The following SUCLG2 variants were observed in gnomAD, a reference collection of about 807,000 sequenced individuals.
The protein encoded by SUCLG2 is succinate--CoA ligase [GDP-forming] subunit beta, mitochondrial.
A neutral mutation model predicts 47.9 loss-of-function variants in SUCLG2; 42 were observed. That is an observed-to-expected ratio of 0.88 (90% CI 0.69 to 1.14). SUCLG2 has a LOEUF of 1.14. SUCLG2 is among the 50% of genes most tolerant of loss of function. The pLI is 0.00. For missense variants in SUCLG2, 571 were observed against 525.9 expected (o/e 1.09, Z -0.84); for synonymous variants, 195 against 197.3 (o/e 0.99, Z 0.10).
At chr3:67,404,052 G>C (rs1702749419) in intron 9 of SUCLG2, among the ~76,000 whole-genome samples, 1 of 152,072 alleles carries the variant, frequency 6.6e-6, no homozygotes, top group Non-Finnish European at 1.5e-5. Flanking sequence ...CACCTGACTA[G>C]TTTTTGCAGT....
chr3:67,604,782 G>A (rs754178071), intron 2 of SUCLG2, among the ~76,000 whole-genome samples: 18 of 152,118 alleles, frequency 1.2e-4, no homozygotes, highest in Non-Finnish European at 2.1e-4. Context: ...AGAGATCTGC[G>A]AGACAATCCG....
chr3:67,382,765 C>T (rs1352658), intron 10 of SUCLG2, among the ~76,000 whole-genome samples: 95,457 of 152,014 alleles, frequency 0.63, 30,779 homozygotes, highest in African/African-American at 0.74. Context: ...GCACAGACAG[C>T]ATGGCCTCGA....
chr3:67,392,338 T>C (rs528177514), intron 10 of SUCLG2, among the ~76,000 whole-genome samples: 15 of 152,304 alleles, frequency 9.8e-5, no homozygotes, highest in East Asian at 1.9e-4. Flanking sequence ...CAGTAAGACA[T>C]TGAGGGAATC....
At chr3:67,513,671 A>C (rs1705857772) in intron 6 of SUCLG2, among the ~76,000 whole-genome samples, 1 of 152,204 alleles carries the variant, frequency 6.6e-6, no homozygotes, top group African/African-American at 2.4e-5. Context: ...CAAAGAAAAC[A>C]TTCTCCTGGT....
chr3:67,627,860 T>C (rs997735140), intron 1 of SUCLG2, among the ~76,000 whole-genome samples: 21 of 152,166 alleles, frequency 1.4e-4, no homozygotes, highest in African/African-American at 5.1e-4. Context: ...AAACTCTAGA[T>C]CCCAGCTCTG....
intron 6 of SUCLG2, among the ~76,000 whole-genome samples, chr3:67,511,282 T>C (rs1346491226): frequency 2.6e-5 from 4 of 152,166 alleles, no homozygotes; most frequent in Non-Finnish European, 5.9e-5. Context: ...CATTAGCCAT[T>C]TGTATCTTTG....
intron 9 of SUCLG2, among the ~76,000 whole-genome samples, chr3:67,433,153 T>C (rs923994618): frequency 6.6e-6 from 1 of 152,104 alleles, no homozygotes; most frequent in African/African-American, 2.4e-5. Flanking sequence ...TTTCCTCTAG[T>C]AAAAGTTCAA....
At chr3:67,585,320 C>T (rs1187799120) in intron 2 of SUCLG2, among the ~76,000 whole-genome samples, 1 of 152,138 alleles carries the variant, frequency 6.6e-6, no homozygotes, top group East Asian at 1.9e-4. Flanking sequence ...GTTGCTTTGG[C>T]TCCAACTCTC....
chr3:67,456,930 T>C (rs916407582), intron 9 of SUCLG2, among the ~76,000 whole-genome samples: 2 of 152,162 alleles, frequency 1.3e-5, no homozygotes, highest in Non-Finnish European at 2.9e-5. Flanking sequence ...GTTATTTTCC[T>C]TTTCTTCTTT....
intron 9 of SUCLG2, among the ~76,000 whole-genome samples, chr3:67,435,439 G>C (rs889871105): frequency 2.6e-5 from 4 of 152,056 alleles, no homozygotes; most frequent in Non-Finnish European, 5.9e-5. Flanking sequence ...GGCGATAATG[G>C]GTTTTTTATT....
intron 9 of SUCLG2, among the ~76,000 whole-genome samples, chr3:67,446,469 C>T (rs1284170216): frequency 8.6e-6 from 1 of 115,904 alleles, no homozygotes; most frequent in Non-Finnish European, 1.6e-5. Context: ...CTCGCTCTGT[C>T]ACTCAGGCTG....
At chr3:67,562,339 G>A (rs1261590115) in intron 2 of SUCLG2, among the ~76,000 whole-genome samples, 1 of 151,762 alleles carries the variant, frequency 6.6e-6, no homozygotes, top group African/African-American at 2.4e-5. Context: ...GTGCAGCAGT[G>A]CCATCTCGGC....
intron 1 of SUCLG2, among the ~76,000 whole-genome samples, chr3:67,636,905 G>C (rs1701020757): frequency 6.6e-6 from 1 of 152,044 alleles, no homozygotes; most frequent in African/African-American, 2.4e-5. Flanking sequence ...CCAGACCAGG[G>C]ATGGCAGAGC....
chr3:67,412,690 T>C (rs1446124966), intron 9 of SUCLG2, among the ~76,000 whole-genome samples: 1 of 152,172 alleles, frequency 6.6e-6, no homozygotes, highest in African/African-American at 2.4e-5. Flanking sequence ...GGATATTCTC[T>C]TCTGGTCAAG....
At chr3:67,539,949 T>C (rs902075307) in intron 2 of SUCLG2, among the ~76,000 whole-genome samples, 1 of 151,976 alleles carries the variant, frequency 6.6e-6, no homozygotes, top group Non-Finnish European at 1.5e-5. Context: ...TTCTTCTCTC[T>C]TTTTTTATTA....
chr3:67,548,853 C>A (rs971241846), intron 2 of SUCLG2, among the ~76,000 whole-genome samples: 19 of 152,150 alleles, frequency 1.2e-4, no homozygotes, highest in African/African-American at 4.6e-4. Context: ...CTACAAGAGG[C>A]ACCCAACAGG....
rs547423936 is a variant in SUCLG2 at position 67,636,049 on chromosome 3, T to G, written c.84+18454A>C. Among the ~76,000 whole-genome samples the G allele has an allele frequency of 2.0e-5, 3 of 152,200 alleles. No homozygotes were observed. The South Asian group carries it at 6.2e-4, about 31-fold the overall frequency. Reference sequence around the variant, plus strand: ...GGGATTCAAGCTCAAGCGGAGATGTTCTTTTCTATTCCACATAGCCAGGGA... The same window carrying G: ...GGGATTCAAGCTCAAGCGGAGATGTGCTTTTCTATTCCACATAGCCAGGGA... On this transcript the variant is annotated intron_variant, in intron 1 of 10. Coordinates refer to ENST00000307227, the MANE Select transcript of SUCLG2 (RefSeq NM_003848.4).
chr3:67,447,248 T>C (rs1703948681), intron 9 of SUCLG2, among the ~76,000 whole-genome samples: 1 of 152,222 alleles, frequency 6.6e-6, no homozygotes. Context: ...CATAAAATAC[T>C]ATAATTAAAT....
chr3:67,466,952 C>G (rs748145999), intron 9 of SUCLG2, among the ~76,000 whole-genome samples: 1 of 152,212 alleles, frequency 6.6e-6, no homozygotes, highest in African/African-American at 2.4e-5. Context: ...CTATCTTTCC[C>G]TGGAGGGGAA....
Sources: allele counts gnomAD v4.1 joint callset (sites outside exome capture counted in the v4.1 genomes callset), GRCh38; gene constraint gnomAD v4.1.1; transcripts MANE v1.5; gene names NCBI Gene and HGNC (gene_info 2026-07-23, HGNC 2026-07-21).